Variants in FAM200B observed in about 807,000 individuals in gnomAD.
FAM200B encodes the protein protein FAM200B.
A neutral mutation model predicts 33.1 loss-of-function variants in FAM200B; 32 were observed. That is an observed-to-expected ratio of 0.97 (90% confidence interval 0.73 to 1.30). The LOEUF is 1.30. FAM200B is among the 50% of genes most tolerant of loss of function. The pLI is 0.00. For missense variants in FAM200B, 741 were observed against 754.0 expected (o/e 0.98, Z 0.20); for synonymous variants, 240 against 264.8 (o/e 0.91, Z 0.91).
chr4:15,640,939 C>G, the FAM200B span: 171 of 958,834 alleles, frequency 1.8e-4, no homozygotes, highest in Non-Finnish European at 2.4e-4. Flanking sequence ...TTAATTATGT[C>G]TGGTCCCAGG....
rs1193959680 is a variant in FAM200B, at chr4:15,689,930, T to C, written c.*979T>C. Reference sequence around the variant, plus strand: ...CATTCTGCCACCCTGGAGTATATAATTTTTAATTATCTGATTACTGTTATT... The same window carrying C: ...CATTCTGCCACCCTGGAGTATATAACTTTTAATTATCTGATTACTGTTATT... On this transcript the variant is annotated 3_prime_UTR_variant, in exon 2 of 2. Transcript: ENST00000422728. 1 of 167,110 alleles carries C rather than the reference T, an allele frequency of 6.0e-6. No individual in the cohort carries two copies. The highest frequency in any genetic ancestry group is 1.9e-4 in the East Asian group (1 of 5,196). The allele number at this position is 167,110 out of a possible 1,614,324, so 10.4% of individuals were successfully genotyped here.
chr4:15,644,213 C>T, the FAM200B span, among the ~76,000 whole-genome samples: 6 of 152,280 alleles, frequency 3.9e-5, no homozygotes, highest in African/African-American at 1.4e-4. Flanking sequence ...CTTGATGTTT[C>T]CTCAGTAGTT....
chr4:15,661,605 A>G, the FAM200B span, among the ~76,000 whole-genome samples: 7 of 152,232 alleles, frequency 4.6e-5, no homozygotes, highest in Non-Finnish European at 1.0e-4. Flanking sequence ...AAAATAGAAA[A>G]TAACAGTGCC....
At chr4:15,641,990 T>C in the FAM200B span, among the ~76,000 whole-genome samples, 6 of 151,266 alleles carry the variant, frequency 4.0e-5, no homozygotes, top group Non-Finnish European at 8.8e-5. Context: ...ATTGCACCAC[T>C]GCACCTCAGC....
the FAM200B span, among the ~76,000 whole-genome samples, chr4:15,641,181 C>T: frequency 3.3e-5 from 5 of 152,082 alleles, no homozygotes; most frequent in Non-Finnish European, 5.9e-5. Flanking sequence ...ATAATTTCTA[C>T]ATGTCAGTTC....
chr4:15,644,671 C>G, the FAM200B span: 1 of 1,610,366 alleles, frequency 6.2e-7, no homozygotes, highest in South Asian at 1.1e-5. Flanking sequence ...CAGAAGAGCA[C>G]GGAAATCGTT....
chr4:15,640,751 T>C, the FAM200B span: 4 of 1,118,952 alleles, frequency 3.6e-6, no homozygotes, highest in Non-Finnish European at 5.2e-6. Context: ...TTTAAGAATG[T>C]TATAAATCTA....
In FAM200B at chr4:15,686,949, T is replaced by G. The variant is rs1316894207; in HGVS notation, c.-29T>G. ...TGAGTTAGTGCCAATTATAACATTT[T>G]AATCAAACTGGAACAAATTGCTATT... is the stretch of plus-strand genomic sequence containing the variant. On this transcript the variant is annotated 5_prime_UTR_variant, in exon 2 of 2. An upstream open reading frame in the 5' UTR loses its in-frame stop. Coordinates refer to ENST00000422728, the MANE Select transcript of FAM200B (RefSeq NM_001145191.2). 8.5e-7 allele frequency: 1 copy of G among 1,183,044 alleles called. No homozygotes were observed. Among genetic ancestry groups the G allele is most frequent in the Non-Finnish European group, 1.1e-6 (1 of 880,818 alleles). The allele number at this position is 1,183,044 out of a possible 1,614,324, so 73.3% of individuals were successfully genotyped here.
chr4:15,681,482 G>T, upstream of FAM200B: 1 of 165,380 alleles, frequency 6.0e-6, no homozygotes, highest in South Asian at 1.8e-4. Context: ...ACTCTGTCCG[G>T]ACTAGCCCTG....
chr4:15,688,503 T>G lies in FAM200B; in HGVS notation c.1526T>G (p.Leu509Trp), dbSNP rs1171467168. Residue 509 changes from leucine (L) to tryptophan (W), a missense_variant, in exon 2 of 2, where the codon TTG becomes TGG. Leu to Trp is a moderately conservative substitution (Grantham distance 61). Transcript: ENST00000422728. ...NILKEIKLEI[L>W]LHLTSLSQTF... ...TTGAAAGAAATAAAATTAGAGATAT[T>G]GTTGCATCTCACTTCTCTGTCTCAA... The G allele has an allele frequency of 1.9e-6, 3 of 1,541,538 alleles. No homozygotes were observed. The highest frequency in any genetic ancestry group is 2.6e-6 in the Non-Finnish European group (3 of 1,138,656).
the FAM200B span, chr4:15,640,926 T>A: frequency 9.2e-7 from 1 of 1,089,608 alleles, no homozygotes; most frequent in African/African-American, 1.6e-5. Flanking sequence ...AAGTTTCGCT[T>A]CATTAATTAT....
chr4:15,688,509 A>G lies in FAM200B; in HGVS notation c.1532A>G (p.His511Arg), dbSNP rs754354932. ...GAAATAAAATTAGAGATATTGTTGC[A>G]TCTCACTTCTCTGTCTCAAACTTTT... Reference protein sequence around the residue: ...LKEIKLEILLHLTSLSQTFNH... With the variant: ...LKEIKLEILLRLTSLSQTFNH... The change falls in exon 2 of 2, where the codon CAT (histidine) becomes CGT (arginine). Residue 511 changes from histidine to arginine, a missense_variant. His to Arg is a conservative substitution (Grantham distance 29). Coordinates refer to ENST00000422728, the MANE Select transcript of FAM200B (RefSeq NM_001145191.2). 7 of 1,544,398 alleles carry G rather than the reference A, an allele frequency of 4.5e-6. No homozygotes were observed. The East Asian group carries it at 1.7e-4, about 38-fold the overall frequency.
the FAM200B span, among the ~76,000 whole-genome samples, chr4:15,650,717 G>A: frequency 7.3e-6 from 1 of 137,794 alleles, no homozygotes; most frequent in Admixed American, 8.0e-5. Context: ...GCCCAGGCTG[G>A]AGTGCAATCG....
chr4:15,646,724 T>C, the FAM200B span, among the ~76,000 whole-genome samples: 1 of 117,714 alleles, frequency 8.5e-6, no homozygotes, highest in Admixed American at 1.1e-4. Flanking sequence ...GGCCCCGGTG[T>C]GTGATGTTCC....
the FAM200B span, among the ~76,000 whole-genome samples, chr4:15,672,888 C>A: frequency 1.3e-5 from 2 of 151,784 alleles, no homozygotes; most frequent in African/African-American, 4.8e-5. Flanking sequence ...TTTTTTATAT[C>A]CTTATTTTAT....
the FAM200B span, among the ~76,000 whole-genome samples, chr4:15,661,471 CTT>C: frequency 1.3e-5 from 2 of 152,140 alleles, no homozygotes; most frequent in African/African-American, 4.8e-5. Flanking sequence ...ATGATGTTCT[CTT>C]TGGTCTCTGC....
At chr4:15,657,095 C>T in the FAM200B span, among the ~76,000 whole-genome samples, 3 of 152,162 alleles carry the variant, frequency 2.0e-5, no homozygotes, top group Non-Finnish European at 4.4e-5. Flanking sequence ...CCTTTCACCC[C>T]GTTTCTCGTT....
In FAM200B at chr4:15,688,836, A is replaced by G. The variant is rs1258655333; in HGVS notation, c.1859A>G (p.Gln620Arg). 3 of 1,551,426 alleles carry G rather than the reference A, an allele frequency of 1.9e-6. No homozygotes were observed. The highest frequency in any genetic ancestry group is 2.6e-6 in the Non-Finnish European group (3 of 1,146,888). The change falls in exon 2 of 2, where the codon CAG becomes CGG. Residue 620 changes from glutamine to arginine, a missense_variant. Gln to Arg is a conservative substitution (Grantham distance 43). Transcript: ENST00000422728. The part of the protein sequence containing the change: ...LCELGFSILT[Q>R]LKTKERNGLN... ...GAACTAGGGTTTTCCATCTTAACGC[A>G]GTTAAAAACAAAGGAAAGAAATGGG...
At chr4:15,639,810 T>TTTTG in the FAM200B span, among the ~76,000 whole-genome samples, 2 of 152,234 alleles carry the variant, frequency 1.3e-5, no homozygotes, top group African/African-American at 4.8e-5. Flanking sequence ...TCGGGGTTTC[T>TTTTG]TTTGTTTGTT....
Sources: gnomAD v4.1 joint callset for allele counts (sites outside exome capture counted in the v4.1 genomes callset) on GRCh38, gnomAD v4.1.1 for gene constraint, MANE v1.5 for transcripts, NCBI Gene and HGNC (gene_info 2026-07-23, HGNC 2026-07-21) for gene names.